TAOK3: variants seen among roughly 807,000 people sequenced by gnomAD.
The protein encoded by TAOK3 is TAO kinase 3.
A neutral mutation model predicts 120.4 loss-of-function variants in TAOK3; 40 were observed. That is an observed-to-expected ratio of 0.33 (90% CI 0.26 to 0.43). The LOEUF (loss-of-function observed/expected upper bound fraction) is 0.43. Ranked by LOEUF, TAOK3 falls within the 20% of genes least tolerant of loss-of-function variation. TAOK3 has a pLI of 1.00. For synonymous variants in TAOK3, 355 were observed against 387.5 expected (o/e 0.92, Z 0.99); for missense variants, 821 against 1,112.1 (o/e 0.74, Z 3.72).
intron 1 of TAOK3, among the ~76,000 whole-genome samples, chr12:118,329,989 CTG>C (rs1005684361): frequency 3.9e-5 from 6 of 152,170 alleles, no homozygotes; most frequent in African/African-American, 1.4e-4. Context: ...AGTCAGAACT[CTG>C]TATCAACAAC....
chr12:118,282,494 TC>T (rs1195104591), intron 1 of TAOK3, among the ~76,000 whole-genome samples: 1 of 152,222 alleles, frequency 6.6e-6, no homozygotes, highest in Non-Finnish European at 1.5e-5. Flanking sequence ...ATGAGGCTGT[TC>T]CACTGTAAGT....
intron 1 of TAOK3, among the ~76,000 whole-genome samples, chr12:118,351,664 A>G (rs939146163): frequency 1.3e-5 from 2 of 152,162 alleles, no homozygotes; most frequent in Non-Finnish European, 2.9e-5. Flanking sequence ...TTGAAGTAAT[A>G]AATATTCCTA....
intron 1 of TAOK3, among the ~76,000 whole-genome samples, chr12:118,325,457 C>T (rs571134810): frequency 6.6e-6 from 1 of 152,240 alleles, no homozygotes; most frequent in African/African-American, 2.4e-5. Context: ...TTTTGATCTG[C>T]ATTTCTCTGA....
chr12:118,192,640 C>A (rs1593110668), intron 13 of TAOK3, among the ~76,000 whole-genome samples: 1 of 152,208 alleles, frequency 6.6e-6, no homozygotes, highest in Non-Finnish European at 1.5e-5. Context: ...GAGAATGTAA[C>A]TTGAGAAGTA....
chr12:118,333,848 A>T (rs2141046045), intron 1 of TAOK3, among the ~76,000 whole-genome samples: 1 of 151,992 alleles, frequency 6.6e-6, no homozygotes, highest in African/African-American at 2.4e-5. Flanking sequence ...AAAAAAAAAA[A>T]ATTGAGGCTG....
chr12:118,363,399 T>C (rs528321033), intron 1 of TAOK3, among the ~76,000 whole-genome samples: 1 of 152,294 alleles, frequency 6.6e-6, no homozygotes, highest in East Asian at 1.9e-4. Context: ...AGATACTAGT[T>C]GCAAGACACT....
Position 118,161,852 on chromosome 12 carries a change from C to A in TAOK3, c.2075G>T (p.Arg692Met). Reference sequence around the variant, plus strand: ...CTTTCTGTGCAGTTCTCTTTCTCGCCTCTTATTGTACTCCAGCTGGTTTTC... The same window carrying A: ...CTTTCTGTGCAGTTCTCTTTCTCGCATCTTATTGTACTCCAGCTGGTTTTC... ...ELENQLEYNK[R>M]RERELHRKHV... Residue 692 changes from arginine (R) to methionine (M), a missense_variant, in exon 18 of 21, where the codon AGG (arginine) becomes ATG (methionine). This residue lies in a region of TAOK3 where 354 missense variants were observed against 572.1 expected (regional missense o/e 0.62). Coordinates refer to ENST00000392533, the MANE Select transcript of TAOK3 (RefSeq NM_016281.4). The surrounding 1 kb of genome is among the most constrained non-coding windows in gnomAD (Gnocchi z 4.5). 1 of 1,614,096 alleles carries A rather than the reference C, an allele frequency of 6.2e-7. No individual in the cohort carries two copies. Among genetic ancestry groups the A allele is most frequent in the Non-Finnish European group, 8.5e-7 (1 of 1,180,028 alleles).
chr12:118,282,263 T>C (rs1380590414), intron 1 of TAOK3, among the ~76,000 whole-genome samples: 3 of 152,238 alleles, frequency 2.0e-5, no homozygotes, highest in Non-Finnish European at 4.4e-5. Context: ...TTAAATGAGA[T>C]AATATACTCC....
At chr12:118,250,106 G>A (rs2040684779) in intron 3 of TAOK3, among the ~76,000 whole-genome samples, 1 of 151,790 alleles carries the variant, frequency 6.6e-6, no homozygotes, top group Non-Finnish European at 1.5e-5. Flanking sequence ...ATTTGTTAAT[G>A]CTGCTAATTT....
At chr12:118,257,379 A>G (rs188512684) in intron 2 of TAOK3, among the ~76,000 whole-genome samples, 125 of 152,340 alleles carry the variant, frequency 8.2e-4, no homozygotes, top group African/African-American at 2.9e-3. Context: ...CATCATTTTG[A>G]CATGCTCATA....
chr12:118,247,797 G>A (rs914342524), intron 3 of TAOK3, among the ~76,000 whole-genome samples: 2 of 152,122 alleles, frequency 1.3e-5, no homozygotes, highest in African/African-American at 4.8e-5. Flanking sequence ...TTATAGGCGT[G>A]AGCTACTGCT....
chr12:118,153,436 G>A (rs889039613), intron 19 of TAOK3, among the ~76,000 whole-genome samples: 9 of 152,226 alleles, frequency 5.9e-5, no homozygotes, highest in African/African-American at 1.4e-4. Flanking sequence ...CCTCTCAGAG[G>A]GTAGGTAGGC....
intron 9 of TAOK3, among the ~76,000 whole-genome samples, chr12:118,232,698 G>A (rs1475151766): frequency 6.6e-6 from 1 of 152,084 alleles, no homozygotes; most frequent in African/African-American, 2.4e-5. Flanking sequence ...TTGAGGTTAG[G>A]AGTTTAAGAC....
chr12:118,282,801 G>C (rs1370811994), intron 1 of TAOK3, among the ~76,000 whole-genome samples: 1 of 152,154 alleles, frequency 6.6e-6, no homozygotes, highest in Non-Finnish European at 1.5e-5. Context: ...TTCTGGGTGG[G>C]AGTATCTGAT....
chr12:118,192,973 G>GA (rs1224047820), intron 13 of TAOK3, among the ~76,000 whole-genome samples: 16 of 148,534 alleles, frequency 1.1e-4, no homozygotes, highest in African/African-American at 4.0e-4. Flanking sequence ...TATCATCCAG[G>GA]AAAAAACAAA....
At chr12:118,307,188 T>C (rs952970859) in intron 1 of TAOK3, among the ~76,000 whole-genome samples, 9 of 152,288 alleles carry the variant, frequency 5.9e-5, no homozygotes, top group African/African-American at 1.7e-4. Context: ...CACGGTTTTT[T>C]ACCACTTTAT....
At chr12:118,361,552 G>C (rs965361610) in intron 1 of TAOK3, among the ~76,000 whole-genome samples, 3 of 149,138 alleles carry the variant, frequency 2.0e-5, no homozygotes, top group Admixed American at 6.6e-5. Flanking sequence ...CCGCCTCCTG[G>C]GTTCAAGCGA....
intron 16 of TAOK3, among the ~76,000 whole-genome samples, chr12:118,175,352 C>A (rs1014304749): frequency 6.6e-6 from 1 of 152,090 alleles, no homozygotes; most frequent in Non-Finnish European, 1.5e-5. Flanking sequence ...TCAGGCCAGG[C>A]GTGGTGGCTC....
chr12:118,329,024 C>T (rs117930970), intron 1 of TAOK3, among the ~76,000 whole-genome samples: 5 of 152,224 alleles, frequency 3.3e-5, no homozygotes, highest in East Asian at 3.9e-4. Flanking sequence ...GCCTGAAATG[C>T]AGGCAATAAC....
Sources: allele counts gnomAD v4.1 joint callset (sites outside exome capture counted in the v4.1 genomes callset), GRCh38; gene constraint gnomAD v4.1.1; regional missense constraint gnomAD v4.1.1; non-coding constraint Gnocchi (gnomAD v3.1); transcripts MANE v1.5; gene names NCBI Gene and HGNC (gene_info 2026-07-23, HGNC 2026-07-21).